FBN2: variants seen among roughly 807,000 people sequenced by gnomAD.
The protein encoded by FBN2 is fibrillin 2.
Under a neutral mutation model 355.6 loss-of-function variants are expected in FBN2, and 105 were observed. The observed-to-expected ratio is 0.30, with a 90% CI of 0.25 to 0.35. The LOEUF (loss-of-function observed/expected upper bound fraction) is 0.35, where lower values mean the gene tolerates loss of function less well. Ranked by LOEUF, FBN2 falls within the 10% of genes least tolerant of loss-of-function variation. The pLI, the probability that FBN2 is intolerant of heterozygous loss-of-function variation, is 1.00. For missense variants in FBN2, 3,280 were observed against 3,758.7 expected, an observed-to-expected ratio of 0.87 and a Z score of 3.33; for synonymous variants, 1,350 against 1,301.2, an observed-to-expected ratio of 1.04 and a Z score of -0.81.
chr5:128,447,315 T>A (rs1754092529), intron 6 of FBN2, among the ~76,000 whole-genome samples: 2 of 152,288 alleles, frequency 1.3e-5, no homozygotes, highest in South Asian at 4.1e-4. Context: ...AGGAGAAATA[T>A]CGCTGAATTC....
At chr5:128,452,915 C>T (rs1754291890) in intron 6 of FBN2, among the ~76,000 whole-genome samples, 1 of 152,018 alleles carries the variant, frequency 6.6e-6, no homozygotes, top group South Asian at 2.1e-4. Flanking sequence ...GTCCCCAGTG[C>T]TTATTATTTC....
At chr5:128,411,949 C>A (rs979752256) in intron 7 of FBN2, among the ~76,000 whole-genome samples, 10 of 152,136 alleles carry the variant, frequency 6.6e-5, no homozygotes, top group Admixed American at 5.2e-4. Context: ...AGTATTATAT[C>A]CACAAATATA....
chr5:128,492,857 T>C (rs1755549835), intron 5 of FBN2, among the ~76,000 whole-genome samples: 2 of 138,630 alleles, frequency 1.4e-5, no homozygotes, highest in South Asian at 4.7e-4. Flanking sequence ...TATTGGCATA[T>C]GGGGGAAACT....
intron 5 of FBN2, among the ~76,000 whole-genome samples, chr5:128,517,191 C>T (rs761042668): frequency 9.2e-5 from 14 of 152,044 alleles, no homozygotes; most frequent in Non-Finnish European, 1.0e-4. Flanking sequence ...AGAATAATGA[C>T]GTAATTCCTG....
chr5:128,396,802 G>A (rs772518439), intron 8 of FBN2, among the ~76,000 whole-genome samples: 1 of 152,168 alleles, frequency 6.6e-6, no homozygotes, highest in African/African-American at 2.4e-5. Flanking sequence ...TGCTTTCAAA[G>A]TTGTTTTGTC....
Position 128,259,788 on chromosome 5 carries a change from G to A in FBN2, c.8406C>T (p.Pro2802=), listed in dbSNP as rs764836656. ...ISLESVDMDS[P]VNMKFNLSHL... ...GGGAGAGGTTGAACTTCATGTTGACGGGGCTGTCCATGTCGACACTCTCTA... is the reference window on the plus strand; with the variant it reads ...GGGAGAGGTTGAACTTCATGTTGACAGGGCTGTCCATGTCGACACTCTCTA... Residue 2802 remains proline, a synonymous_variant, in exon 65 of 65, where the codon CCC becomes CCT. Coordinates refer to ENST00000262464, the MANE Select transcript of FBN2 (RefSeq NM_001999.4). The A allele has an allele frequency of 3.9e-5, 63 of 1,613,456 alleles. No homozygotes were observed. The highest frequency in any genetic ancestry group is 3.8e-5 in the Non-Finnish European group (45 of 1,179,862).
At chr5:128,525,641 C>T (rs961118344) in intron 4 of FBN2, among the ~76,000 whole-genome samples, 1 of 151,968 alleles carries the variant, frequency 6.6e-6, no homozygotes, top group African/African-American at 2.4e-5. Flanking sequence ...TCTTAAAAAC[C>T]TTCACCCTCC....
At chr5:128,459,258 T>C (rs1581315664) in intron 6 of FBN2, among the ~76,000 whole-genome samples, 1 of 152,074 alleles carries the variant, frequency 6.6e-6, no homozygotes, top group South Asian at 2.1e-4. Flanking sequence ...CAGGAACAAG[T>C]TGAACCCCTA....
At position 128,320,756 on chromosome 5, in the gene FBN2, C is replaced by T. The variant is rs1750346471; in HGVS notation, c.4472-1755G>A. Among the ~76,000 whole-genome samples the T allele has an allele frequency of 1.3e-5, 2 of 152,144 alleles. 1 individual carries two copies. Among genetic ancestry groups the T allele is most frequent in the South Asian group, 4.1e-4 (2 of 4,832 alleles). On this transcript the variant is annotated intron_variant, in intron 34 of 64. Coordinates refer to ENST00000262464, the MANE Select transcript of FBN2 (RefSeq NM_001999.4). ...ACATATTTAGACAGTGAAGCTAAAA[C>T]AATTTGTATGCATCAGATAAATTTA...
At chr5:128,283,878 C>G (rs1749056821) in intron 55 of FBN2, among the ~76,000 whole-genome samples, 1 of 152,178 alleles carries the variant, frequency 6.6e-6, no homozygotes. Context: ...ACTTTAGTCA[C>G]TCAAGCAAAA....
At chr5:128,498,632 C>T (rs934196400) in intron 5 of FBN2, among the ~76,000 whole-genome samples, 4 of 152,140 alleles carry the variant, frequency 2.6e-5, no homozygotes, top group Admixed American at 2.0e-4. Flanking sequence ...ATAAACTATA[C>T]TTATTTATAG....
At chr5:128,411,229 G>A (rs1479774846) in intron 7 of FBN2, among the ~76,000 whole-genome samples, 1 of 152,210 alleles carries the variant, frequency 6.6e-6, no homozygotes, top group South Asian at 2.1e-4. Context: ...CCGGTGACCT[G>A]TGGAGCCCCA....
chr5:128,503,603 C>T (rs1017654334), intron 5 of FBN2, among the ~76,000 whole-genome samples: 12 of 152,064 alleles, frequency 7.9e-5, no homozygotes, highest in African/African-American at 2.4e-4. Flanking sequence ...AGCATTTTGC[C>T]CCTGTCCTAG....
intron 33 of FBN2, among the ~76,000 whole-genome samples, chr5:128,329,237 T>G: frequency 6.6e-6 from 1 of 152,224 alleles, no homozygotes; most frequent in Admixed American, 6.5e-5. Context: ...GCTTTTTCAC[T>G]AATTCAAGTG....
intron 18 of FBN2, among the ~76,000 whole-genome samples, chr5:128,362,957 C>G (rs1751676259): frequency 6.6e-6 from 1 of 152,146 alleles, no homozygotes; most frequent in African/African-American, 2.4e-5. Context: ...AAAACATCTG[C>G]AATTCCATCA....
intron 5 of FBN2, among the ~76,000 whole-genome samples, chr5:128,505,924 G>C (rs1001045189): frequency 6.6e-6 from 1 of 152,118 alleles, no homozygotes; most frequent in Non-Finnish European, 1.5e-5. Context: ...TACAAATAAG[G>C]CTGCTACAAA....
At chr5:128,448,168 T>A (rs1021426200) in intron 6 of FBN2, among the ~76,000 whole-genome samples, 1 of 152,102 alleles carries the variant, frequency 6.6e-6, no homozygotes, top group African/African-American at 2.4e-5. Context: ...AATGAATAAA[T>A]AGTGTCCAGT....
At position 128,286,712 on chromosome 5, in the gene FBN2, G is replaced by A. The variant is rs749376421; in HGVS notation, c.7012+6C>T. On this transcript the variant is annotated splice_donor_region_variant and intron_variant, in intron 55 of 64. Coordinates refer to ENST00000262464, the MANE Select transcript of FBN2 (RefSeq NM_001999.4). ...ACATAAGCAGACACCTTCCCTTACC[G>A]CTTACCTACACAGCCTTCTCCATCG... The A allele has an allele frequency of 7.6e-5, 122 of 1,613,782 alleles. No individual in the cohort carries two copies. In the Admixed American group the frequency reaches 1.0e-3, roughly 13 times the overall value.
At position 128,416,733 on chromosome 5, in the gene FBN2, G is replaced by A. The variant is rs186285693; in HGVS notation, c.953-7934C>T. Reference sequence around the variant, plus strand: ...TGTAAATAGGAGGATTTATTTCTGGGTTCTCCTGTTCCACTGGTCTAGTAT... The same window carrying A: ...TGTAAATAGGAGGATTTATTTCTGGATTCTCCTGTTCCACTGGTCTAGTAT... On this transcript the variant is annotated intron_variant, in intron 7 of 64. Transcript: ENST00000262464. 4.9e-3 allele frequency among the ~76,000 whole-genome samples: 752 copies of A among 152,158 alleles called. 2 individuals carry two copies. The highest frequency in any genetic ancestry group is 8.2e-3 in the Non-Finnish European group (556 of 67,992).
Sources: gnomAD v4.1 joint callset for allele counts (sites outside exome capture counted in the v4.1 genomes callset) on GRCh38, gnomAD v4.1.1 for gene constraint, MANE v1.5 for transcripts, NCBI Gene and HGNC (gene_info 2026-07-23, HGNC 2026-07-21) for gene names.